The following SH3BP4 variants were observed in gnomAD, a reference collection of about 807,000 sequenced individuals.
The protein encoded by SH3BP4 is SH3 domain-binding protein 4.
Under a neutral mutation model 65.5 loss-of-function variants are expected in SH3BP4, and 33 were observed. The observed-to-expected ratio is 0.50, with a 90% CI of 0.38 to 0.67. The LOEUF (loss-of-function observed/expected upper bound fraction) is 0.67, where lower values mean the gene tolerates loss of function less well. SH3BP4 is among the 30% of genes least tolerant of loss of function. SH3BP4 has a pLI of 0.00. For missense variants in SH3BP4, 1,134 were observed against 1,261.4 expected, an observed-to-expected ratio of 0.90 and a Z score of 1.53; for synonymous variants, 552 against 545.5, an observed-to-expected ratio of 1.01 and a Z score of -0.17.
At position 235,030,362 on chromosome 2, in the gene SH3BP4, T is replaced by A. The variant is rs575355394; in HGVS notation, c.-132-4509T>A. The stretch of plus-strand genomic sequence containing the variant: ...GGCTGCGTTACCCTGGGCAAGTTGC[T>A]TTAGTGATCTCTCCAAGCCCGTTTT... On this transcript the variant is annotated intron_variant, in intron 2 of 5. Coordinates refer to ENST00000392011, the MANE Select transcript of SH3BP4 (RefSeq NM_014521.3). The surrounding 1 kb of genome is among the most constrained non-coding windows in gnomAD (Gnocchi z 4.1). Among the ~76,000 whole-genome samples, 83 of 152,234 alleles carry A rather than the reference T, an allele frequency of 5.5e-4. No homozygotes were observed. Among genetic ancestry groups the A allele is most frequent in the African/African-American group, 1.8e-3 (76 of 41,534 alleles).
Position 235,054,010 on chromosome 2 carries a change from G to T in SH3BP4, c.*194G>T, listed in dbSNP as rs1696148805. On this transcript the variant is annotated 3_prime_UTR_variant, in exon 6 of 6. Transcript: ENST00000392011. ...AGGCCTGAAGGGACTGCCTACTGCA[G>T]CTCGTTGCCAATCACATAGCTTTCT... The T allele has an allele frequency of 1.5e-5, 8 of 544,572 alleles. No homozygotes were observed. The East Asian group carries it at 2.3e-4, about 15-fold the overall frequency. 33.7% of individuals were successfully genotyped at this position (544,572 alleles called of 1,614,324 possible). A position where few individuals can be genotyped will look rare whatever the true frequency, so the allele number is the denominator to read the frequency against.
In SH3BP4 at chr2:235,042,977, C is replaced by A; in HGVS notation, c.2208C>A (p.Ser736Arg). ...GCCTGTGCTCGGGCCCCGAGCTGAGCACCTCGGTGCTGCTGGAGCAGATCC... is the reference window on the plus strand; with the variant it reads ...GCCTGTGCTCGGGCCCCGAGCTGAGAACCTCGGTGCTGCTGGAGCAGATCC... ...RPSLCSGPELSTSVLLEQILR... is the reference protein window; with the variant it reads ...RPSLCSGPELRTSVLLEQILR... Residue 736 changes from serine (S) to arginine (R), a missense_variant, in exon 4 of 6, where the codon AGC becomes AGA. Physicochemically the swap from Ser to Arg is moderately radical, Grantham distance 110. Transcript: ENST00000392011. The surrounding 1 kb of genome is among the most constrained non-coding windows in gnomAD (Gnocchi z 7.3). 6.2e-7 allele frequency: 1 copy of A among 1,612,334 alleles called. No individual in the cohort carries two copies. Among genetic ancestry groups the A allele is most frequent in the Non-Finnish European group, 8.5e-7 (1 of 1,179,066 alleles).
Position 235,045,250 on chromosome 2 carries a change from C to T in SH3BP4, c.2478+2003C>T, listed in dbSNP as rs1695814998. On this transcript the variant is annotated intron_variant, in intron 4 of 5. Coordinates refer to ENST00000392011, the MANE Select transcript of SH3BP4 (RefSeq NM_014521.3). This position sits in a 1 kb window ranked among gnomAD's most constrained non-coding sequence, Gnocchi z 4.3. The stretch of plus-strand genomic sequence containing the variant: ...GCTGTCGTGGAACCTGACAGCATTG[C>T]TGAGCCCAGGACACTCACCTCGACG... Among the ~76,000 whole-genome samples the T allele has an allele frequency of 6.6e-6, 1 of 152,120 alleles. No homozygotes were observed. The highest frequency in any genetic ancestry group is 2.4e-5 in the African/African-American group (1 of 41,422).
intron 2 of SH3BP4, among the ~76,000 whole-genome samples, chr2:235,009,829 A>G (rs1694418158): frequency 6.6e-6 from 1 of 151,998 alleles, no homozygotes; most frequent in Non-Finnish European, 1.5e-5. Flanking sequence ...CATGCTGCCC[A>G]CATTCAGCCT....
rs1258146994 is a variant in SH3BP4, at chr2:235,052,383, C to T, written c.2479-179C>T. Among the ~76,000 whole-genome samples the T allele has an allele frequency of 7.2e-5, 11 of 152,204 alleles. No individual in the cohort carries two copies. Among genetic ancestry groups the T allele is most frequent in the African/African-American group, 2.7e-4 (11 of 41,438 alleles). ...GAACCTGGCACGCTCTGCACATCAT[C>T]TCTTTTCTCCCGTGAATCCTGGCAG... On this transcript the variant is annotated intron_variant, in intron 4 of 5. Transcript: ENST00000392011. This position sits in a 1 kb window ranked among gnomAD's most constrained non-coding sequence, Gnocchi z 5.0.
chr2:234,990,953 G>A (rs1270118827), intron 1 of SH3BP4, among the ~76,000 whole-genome samples: 1 of 152,128 alleles, frequency 6.6e-6, no homozygotes, highest in African/African-American at 2.4e-5. Context: ...CCCTCTCTGT[G>A]TGCATGTCTG....
At chr2:234,956,743 G>A (rs1045908095) in intron 1 of SH3BP4, among the ~76,000 whole-genome samples, 1 of 151,594 alleles carries the variant, frequency 6.6e-6, no homozygotes, top group African/African-American at 2.4e-5. Context: ...AATTCTTGTA[G>A]AAATGGGGTT....
chr2:234,968,062 A>G (rs1310936526), intron 1 of SH3BP4, among the ~76,000 whole-genome samples: 1 of 152,106 alleles, frequency 6.6e-6, no homozygotes, highest in Non-Finnish European at 1.5e-5. Context: ...GGTTCCACCA[A>G]CCAGTCCGTA....
intron 2 of SH3BP4, among the ~76,000 whole-genome samples, chr2:235,012,507 G>T (rs1694543097): frequency 6.6e-6 from 1 of 152,220 alleles, no homozygotes; most frequent in Non-Finnish European, 1.5e-5. Context: ...GTGTCTGAGT[G>T]GGGACAATAA....
At position 235,041,079 on chromosome 2, in the gene SH3BP4, A is replaced by T. The variant is rs1453438596; in HGVS notation, c.310A>T (p.Ile104Phe). The T allele has an allele frequency of 6.2e-7, 1 of 1,614,036 alleles. No homozygotes were observed. The highest frequency in any genetic ancestry group is 8.5e-7 in the Non-Finnish European group (1 of 1,180,008). ...ACACAACACCACCGAAATGGGCTACATCCCCTCCTCCTATGTGCAGCCCTT... is the reference window on the plus strand; with the variant it reads ...ACACAACACCACCGAAATGGGCTACTTCCCCTCCTCCTATGTGCAGCCCTT... ...YAHNTTEMGY[I>F]PSSYVQPLNY... Residue 104 changes from isoleucine to phenylalanine, a missense_variant, in exon 4 of 6, where the codon ATC becomes TTC. By Grantham distance (21) the Ile-to-Phe change is conservative. Transcript: ENST00000392011. This position sits in a 1 kb window ranked among gnomAD's most constrained non-coding sequence, Gnocchi z 6.0.
At position 234,974,335 on chromosome 2, in the gene SH3BP4, A is replaced by C. The variant is rs775071279; in HGVS notation, c.-206-20968A>C. Among the ~76,000 whole-genome samples, 1 of 152,174 alleles carries C rather than the reference A, an allele frequency of 6.6e-6. No individual in the cohort carries two copies. Among genetic ancestry groups the C allele is most frequent in the Admixed American group, 6.5e-5 (1 of 15,278 alleles). ...AGCCAAGATCGCACTATTGCACTCC[A>C]GCCTGGGCAAAGAGCGAAACTCTGT... On this transcript the variant is annotated intron_variant, in intron 1 of 5. Coordinates refer to ENST00000392011, the MANE Select transcript of SH3BP4 (RefSeq NM_014521.3). The surrounding 1 kb of genome is among the most constrained non-coding windows in gnomAD (Gnocchi z 4.6).
Position 235,045,303 on chromosome 2 carries a change from A to G in SH3BP4, c.2478+2056A>G, listed in dbSNP as rs1427692287. 2.0e-5 allele frequency among the ~76,000 whole-genome samples: 3 copies of G among 152,190 alleles called. No individual in the cohort carries two copies. The highest frequency in any genetic ancestry group is 7.2e-5 in the African/African-American group (3 of 41,450). On this transcript the variant is annotated intron_variant, in intron 4 of 5. Coordinates refer to ENST00000392011, the MANE Select transcript of SH3BP4 (RefSeq NM_014521.3). The surrounding 1 kb of genome is among the most constrained non-coding windows in gnomAD (Gnocchi z 4.3). The stretch of plus-strand genomic sequence containing the variant: ...GCACCAGAGGTGGAAAAATGACACA[A>G]CCAGGAGTACCACACCAGCTGTGGA...
intron 4 of SH3BP4, among the ~76,000 whole-genome samples, chr2:235,047,188 G>T (rs1031775141): frequency 5.3e-5 from 8 of 152,202 alleles, no homozygotes; most frequent in Non-Finnish European, 1.0e-4. Context: ...TATGGATATT[G>T]GTGGCCAAAT....
Position 235,034,598 on chromosome 2 carries a change from A to T in SH3BP4, c.-132-273A>T, listed in dbSNP as rs571480358. Among the ~76,000 whole-genome samples the T allele has an allele frequency of 2.1e-3, 326 of 152,246 alleles. 1 individual carries two copies. Among genetic ancestry groups the T allele is most frequent in the African/African-American group, 7.2e-3 (298 of 41,550 alleles). On this transcript the variant is annotated intron_variant, in intron 2 of 5. Transcript: ENST00000392011. The surrounding 1 kb of genome is among the most constrained non-coding windows in gnomAD (Gnocchi z 6.2). Reference sequence around the variant, plus strand: ...AGGTGCTGGAGCACATTTCGCAAACACCCTTACGCCCCTAAGAAGAGCAGG... The same window carrying T: ...AGGTGCTGGAGCACATTTCGCAAACTCCCTTACGCCCCTAAGAAGAGCAGG...
intron 1 of SH3BP4, among the ~76,000 whole-genome samples, chr2:234,986,208 G>GTCAT (rs1693556331): frequency 6.6e-6 from 1 of 152,134 alleles, no homozygotes; most frequent in East Asian, 1.9e-4. Flanking sequence ...AGGAGGCCCA[G>GTCAT]TCATTCCCTC....
At chr2:235,019,419 G>A (rs566678706) in intron 2 of SH3BP4, among the ~76,000 whole-genome samples, 289 of 150,576 alleles carry the variant, frequency 1.9e-3, no homozygotes, top group Non-Finnish European at 3.2e-3. Flanking sequence ...TGGGCTTGAC[G>A]GTGGGAAGGG....
At chr2:234,990,528 T>C (rs1693716137) in intron 1 of SH3BP4, among the ~76,000 whole-genome samples, 1 of 152,226 alleles carries the variant, frequency 6.6e-6, no homozygotes, top group African/African-American at 2.4e-5. Context: ...TGTTCCTGCA[T>C]ATTCCCTGGG....
intron 1 of SH3BP4, among the ~76,000 whole-genome samples, chr2:234,975,600 G>T (rs1425468491): frequency 6.6e-6 from 1 of 152,202 alleles, no homozygotes; most frequent in African/African-American, 2.4e-5. Context: ...TTGAGGCTGG[G>T]CGCCGTGGTT....
chr2:235,025,964 G>A (rs767668847), intron 2 of SH3BP4, among the ~76,000 whole-genome samples: 5 of 152,210 alleles, frequency 3.3e-5, no homozygotes, highest in Non-Finnish European at 5.9e-5. Context: ...GATGTACGGA[G>A]GAAGGTGTGA....
Sources: allele counts gnomAD v4.1 joint callset (sites outside exome capture counted in the v4.1 genomes callset), GRCh38; gene constraint gnomAD v4.1.1; non-coding constraint Gnocchi (gnomAD v3.1); transcripts MANE v1.5; gene names NCBI Gene and HGNC (gene_info 2026-07-23, HGNC 2026-07-21).